TANC2: variants seen among roughly 807,000 people sequenced by gnomAD.
TANC2 encodes the protein protein TANC2.
In TANC2, 26 loss-of-function variants were observed where a neutral mutation model predicts 210.5. The observed-to-expected ratio is 0.12, with a 90% CI of 0.09 to 0.17. TANC2 has a LOEUF of 0.17. TANC2 is among the 10% of genes least tolerant of loss of function. The pLI is 1.00. For missense variants in TANC2, 2,129 were observed against 2,608.9 expected (o/e 0.82, Z 4.01); for synonymous variants, 931 against 967.1 (o/e 0.96, Z 0.69).
chr17:63,253,080 C>G (rs1468500568), intron 8 of TANC2, among the ~76,000 whole-genome samples: 2 of 152,124 alleles, frequency 1.3e-5, no homozygotes, highest in Non-Finnish European at 2.9e-5. Context: ...TTCCTACTGA[C>G]AGTGAACAAG....
rs573853674 is a variant in TANC2 at position 63,293,294 on chromosome 17, A to G, written c.1160-21094A>G. 1.3e-3 allele frequency among the ~76,000 whole-genome samples: 201 copies of G among 152,300 alleles called. 1 individual carries two copies. The South Asian group carries it at 0.022, about 16-fold the overall frequency. On this transcript the variant is annotated intron_variant, in intron 9 of 27. Coordinates refer to ENST00000689528, the Ensembl canonical transcript of TANC2. Reference sequence around the variant, plus strand: ...TGTGTTTTGCCTTTTGTTTGGTGCTAATGTGATACCAGGTTTTGTATGAAG... The same window carrying G: ...TGTGTTTTGCCTTTTGTTTGGTGCTGATGTGATACCAGGTTTTGTATGAAG...
At chr17:63,235,423 T>G (rs1383254297) in intron 7 of TANC2, among the ~76,000 whole-genome samples, 2 of 152,126 alleles carry the variant, frequency 1.3e-5, no homozygotes, top group African/African-American at 4.8e-5. Flanking sequence ...GGTTCTGTGA[T>G]ATTTCTGATT....
At chr17:63,351,201 C>G in intron 12 of TANC2, 49 bp from the exon 13 acceptor site, 1 of 1,491,584 alleles carries the variant, frequency 6.7e-7, no homozygotes, top group Non-Finnish European at 9.1e-7. Context: ...AGTAAGAACT[C>G]ATTTATCCAC....
exon 22 of TANC2, chr17:63,411,643 G>A (rs777825224): frequency 1.3e-5 from 21 of 1,613,704 alleles, no homozygotes; most frequent in Non-Finnish European, 1.4e-5. Context: ...AAGAATGGCC[G>A]TACCCCACTG....
chr17:63,395,200 A>G (rs1170379593), intron 17 of TANC2, among the ~76,000 whole-genome samples: 4 of 152,208 alleles, frequency 2.6e-5, no homozygotes, highest in Admixed American at 2.0e-4. Flanking sequence ...GCCTCTAGCC[A>G]TTTGGGGCAG....
At chr17:63,416,532 G>A (rs188694474) in intron 26 of TANC2, among the ~76,000 whole-genome samples, 1 of 152,228 alleles carries the variant, frequency 6.6e-6, no homozygotes, top group African/African-American at 2.4e-5. Context: ...ATTTGTGTGT[G>A]TAACCTTTAG....
chr17:63,358,373 G>A (rs1464671227), intron 14 of TANC2, among the ~76,000 whole-genome samples: 209 of 137,804 alleles, frequency 1.5e-3, no homozygotes, highest in African/African-American at 5.5e-3. Flanking sequence ...GAGAGAGAGA[G>A]AGAGTATGTG....
intron 11 of TANC2, among the ~76,000 whole-genome samples, chr17:63,327,569 A>G (rs577867000): frequency 6.6e-6 from 1 of 152,226 alleles, no homozygotes; most frequent in Non-Finnish European, 1.5e-5. Context: ...CAATCCCATT[A>G]CTGGGTATAT....
At chr17:63,206,688 G>C (rs1282622578) in intron 7 of TANC2, among the ~76,000 whole-genome samples, 1 of 152,148 alleles carries the variant, frequency 6.6e-6, no homozygotes, top group Non-Finnish European at 1.5e-5. Flanking sequence ...AGAGAGTACT[G>C]AGTGGGGCTG....
intron 21 of TANC2, among the ~76,000 whole-genome samples, chr17:63,411,034 G>GGA: frequency 6.6e-6 from 1 of 152,206 alleles, no homozygotes; most frequent in Non-Finnish European, 1.5e-5. Flanking sequence ...GCAGGAGGAT[G>GGA]GAGATAGTTC....
At chr17:63,125,277 T>C (rs1191212988) in intron 4 of TANC2, 5 of 152,208 alleles carry the variant, frequency 3.3e-5, no homozygotes, top group African/African-American at 1.2e-4. Context: ...GAAAAATGCT[T>C]ACAACAGCCT....
intron 8 of TANC2, among the ~76,000 whole-genome samples, chr17:63,266,290 CTCA>C (rs1567866069): frequency 6.6e-6 from 1 of 151,960 alleles, no homozygotes; most frequent in Non-Finnish European, 1.5e-5. Context: ...TGTTTCCTTG[CTCA>C]TCTTTTTTCT....
At chr17:63,009,672 C>G (rs1034110210) in intron 2 of TANC2, 46 bp downstream of exon 2, 16 of 1,550,780 alleles carry the variant, frequency 1.0e-5, no homozygotes, top group Non-Finnish European at 1.3e-5. Flanking sequence ...TTTACAAATA[C>G]AAGTTCTTTT....
chr17:63,207,556 T>C (rs917604179), intron 7 of TANC2, among the ~76,000 whole-genome samples: 2 of 152,210 alleles, frequency 1.3e-5, no homozygotes, highest in Non-Finnish European at 2.9e-5. Flanking sequence ...CTCAGATACA[T>C]TCATGTTGTT....
At chr17:63,424,434 G>A (rs2049097593) in exon 28 of TANC2, 2 of 152,210 alleles carry the variant, frequency 1.3e-5, no homozygotes, top group South Asian at 4.1e-4. Flanking sequence ...CCTGTGCCCT[G>A]TGCCCTGTTT....
intron 5 of TANC2, among the ~76,000 whole-genome samples, chr17:63,162,177 G>A (rs906616173): frequency 1.3e-5 from 2 of 152,076 alleles, no homozygotes; most frequent in Non-Finnish European, 2.9e-5. Context: ...GGTGGCATGT[G>A]CCTGTAGTTC....
intron 7 of TANC2, among the ~76,000 whole-genome samples, chr17:63,222,039 C>G (rs1343429533): frequency 6.6e-6 from 1 of 152,176 alleles, no homozygotes; most frequent in Non-Finnish European, 1.5e-5. Context: ...AGCTTATAAA[C>G]AATAGAAATA....
At chr17:63,419,681 C>G (rs1254568039) in intron 27 of TANC2, among the ~76,000 whole-genome samples, 1 of 152,160 alleles carries the variant, frequency 6.6e-6, no homozygotes, top group Non-Finnish European at 1.5e-5. Flanking sequence ...CCACCCAACT[C>G]TCATACTGCC....
chr17:63,055,974 A>T (rs2035763468), intron 2 of TANC2, among the ~76,000 whole-genome samples: 1 of 35,880 alleles, frequency 2.8e-5, no homozygotes, highest in African/African-American at 1.0e-4. Flanking sequence ...CCAAAAAAAA[A>T]AAAAAAAAAA....
Sources: allele counts gnomAD v4.1 joint callset (sites outside exome capture counted in the v4.1 genomes callset), GRCh38; gene constraint gnomAD v4.1.1; transcripts MANE v1.5; gene names NCBI Gene and HGNC (gene_info 2026-07-23, HGNC 2026-07-21).